The following TGM6 variants were observed in gnomAD, a reference collection of about 807,000 sequenced individuals.
TGM6 encodes protein-glutamine gamma-glutamyltransferase 6.
In TGM6, 74 loss-of-function variants were observed where a neutral mutation model predicts 77.5. The ratio of observed to expected loss-of-function variants is 0.96; its 90% confidence interval spans 0.79 to 1.16. TGM6 has a LOEUF of 1.16. Ranked by LOEUF, TGM6 falls within the 50% of genes most tolerant of loss-of-function variation. The pLI is 0.00. For synonymous variants in TGM6, 383 were observed against 378.9 expected, an observed-to-expected ratio of 1.01 and a Z score of -0.12; for missense variants, 968 against 940.2, an observed-to-expected ratio of 1.03 and a Z score of -0.39.
intron 9 of TGM6, among the ~76,000 whole-genome samples, chr20:2,406,590 C>T (rs1356890638): frequency 1.3e-5 from 2 of 151,540 alleles, no homozygotes; most frequent in Non-Finnish European, 2.9e-5. Context: ...AATCCCAGCA[C>T]TCTGGGAGGC....
intron 10 of TGM6, among the ~76,000 whole-genome samples, chr20:2,421,262 G>A (rs560895814): frequency 1.3e-5 from 2 of 152,376 alleles, no homozygotes; most frequent in East Asian, 1.9e-4. Context: ...TGGGATTACA[G>A]GCATGAGCCG....
intron 10 of TGM6, among the ~76,000 whole-genome samples, chr20:2,426,339 T>C (rs1337023455): frequency 6.6e-6 from 1 of 152,204 alleles, no homozygotes; most frequent in Admixed American, 6.5e-5. Context: ...TTGACTTCTG[T>C]ATATTAGTAA....
At chr20:2,416,335 G>C (rs903969781) in intron 9 of TGM6, among the ~76,000 whole-genome samples, 1 of 152,184 alleles carries the variant, frequency 6.6e-6, no homozygotes, top group African/African-American at 2.4e-5. Flanking sequence ...ATTGAACTAA[G>C]AGTCCAAAAA....
At chr20:2,398,419 C>T (rs1345503699) in intron 5 of TGM6, among the ~76,000 whole-genome samples, 1 of 152,076 alleles carries the variant, frequency 6.6e-6, no homozygotes, top group East Asian at 1.9e-4. Context: ...TCCAGGATGG[C>T]TTCCCCACCC....
At chr20:2,430,845 G>A in intron 11 of TGM6, 49 bp from the exon 12 acceptor site, 1 of 1,614,020 alleles carries the variant, frequency 6.2e-7, no homozygotes, top group Non-Finnish European at 8.5e-7. Flanking sequence ...TCGGTTTCCT[G>A]GAGGGAGGAG....
rs1241402629 is a variant in TGM6, at chr20:2,399,460, G to A, written c.673-101G>A. On this transcript the variant is annotated intron_variant, in intron 5 of 12. Transcript: ENST00000202625. ...ACAGTTAAAAAGCAAGAGTGACCCC[G>A]ATGGACCTGGTGGTCCAAAGTTGGA... 3.2e-5 allele frequency: 49 copies of A among 1,523,190 alleles called. No individual in the cohort carries two copies. The East Asian group carries it at 7.6e-4, about 24-fold the overall frequency. 94.4% of individuals were successfully genotyped at this position (1,523,190 alleles called of 1,614,324 possible).
chr20:2,396,483 C>T (rs770515278), intron 3 of TGM6, 23 bp from the exon 4 acceptor site: 32 of 1,610,290 alleles, frequency 2.0e-5, no homozygotes, highest in Admixed American at 5.0e-5. Context: ...CAGTCCACAC[C>T]GGGCCTGATG....
chr20:2,400,691 G>A (rs36006705), intron 7 of TGM6, among the ~76,000 whole-genome samples: 1 of 142,720 alleles, frequency 7.0e-6, no homozygotes, highest in African/African-American at 2.6e-5. Flanking sequence ...TGCCTTGAAC[G>A]CCCGGTTCTA....
At chr20:2,428,941 A>G (rs761363173) in intron 10 of TGM6, among the ~76,000 whole-genome samples, 2 of 150,908 alleles carry the variant, frequency 1.3e-5, no homozygotes, top group Admixed American at 6.6e-5. Context: ...CTCCTGCCTC[A>G]GCCTCCCAAG....
At chr20:2,394,280 T>G (rs1482298472) in intron 1 of TGM6, among the ~76,000 whole-genome samples, 172 bp from the exon 2 acceptor site, 1 of 151,876 alleles carries the variant, frequency 6.6e-6, no homozygotes, top group South Asian at 2.1e-4. Flanking sequence ...GGTGATAGAG[T>G]GAGACCCTGT....
chr20:2,406,712 G>A (rs2084753450), intron 9 of TGM6, among the ~76,000 whole-genome samples: 1 of 151,354 alleles, frequency 6.6e-6, no homozygotes, highest in Non-Finnish European at 1.5e-5. Flanking sequence ...GCCCATGCCT[G>A]TAATCCCAGC....
chr20:2,415,374 A>T (rs2122403956), intron 9 of TGM6, among the ~76,000 whole-genome samples: 1 of 152,292 alleles, frequency 6.6e-6, no homozygotes, highest in African/African-American at 2.4e-5. Context: ...CTTTGGAATC[A>T]TCAGAGTGGA....
intron 10 of TGM6, among the ~76,000 whole-genome samples, chr20:2,419,253 C>T (rs578063103): frequency 6.6e-6 from 1 of 152,248 alleles, no homozygotes; most frequent in East Asian, 1.9e-4. Context: ...TCCTTTGCCT[C>T]TCTCTCCTTT....
intron 9 of TGM6, among the ~76,000 whole-genome samples, chr20:2,404,127 T>G (rs1190985802): frequency 1.3e-5 from 2 of 152,228 alleles, no homozygotes; most frequent in Non-Finnish European, 2.9e-5. Context: ...CATACAATAA[T>G]CACTACTAGT....
intron 1 of TGM6, among the ~76,000 whole-genome samples, chr20:2,381,571 G>C (rs1262819376): frequency 3.3e-5 from 5 of 152,174 alleles, no homozygotes; most frequent in Non-Finnish European, 7.3e-5. Context: ...GTGAGACCAC[G>C]TGTGCTGTTC....
intron 5 of TGM6, 118 bp from the exon 6 acceptor site, chr20:2,399,443 A>T (rs1325076258): frequency 9.9e-6 from 14 of 1,421,140 alleles, no homozygotes; most frequent in Non-Finnish European, 1.3e-5. Flanking sequence ...AGACAGTTAA[A>T]AAGCAAGAGT....
At chr20:2,403,363 C>T in intron 7 of TGM6, 34 bp from the exon 8 acceptor site, 1 of 1,612,568 alleles carries the variant, frequency 6.2e-7, no homozygotes, top group Non-Finnish European at 8.5e-7. Flanking sequence ...TGCCCTCACT[C>T]TAGGCAGCTT....
chr20:2,403,718 G>A lies in TGM6; in HGVS notation c.1231G>A (p.Glu411Lys), dbSNP rs546728628. 8.7e-6 allele frequency: 14 copies of A among 1,614,232 alleles called. No individual in the cohort carries two copies. The South Asian group carries it at 1.3e-4, about 15-fold the overall frequency. The change falls in exon 9 of 13, where the codon GAG becomes AAG. Residue 411 changes from glutamate to lysine, a missense_variant. By Grantham distance (56) the Glu-to-Lys change is moderately conservative. Coordinates refer to ENST00000202625, the MANE Select transcript of TGM6 (RefSeq NM_198994.3). Reference sequence around the variant, plus strand: ...GCTGTGGCACGAGGATGAGAGCCGGGAGCGTGTATACTCAAACACGAAGAA... The same window carrying A: ...GCTGTGGCACGAGGATGAGAGCCGGAAGCGTGTATACTCAAACACGAAGAA... ...TWLWHEDESR[E>K]RVYSNTKKIG...
chr20:2,383,805 A>G (rs1224297078), intron 1 of TGM6, among the ~76,000 whole-genome samples: 1 of 152,062 alleles, frequency 6.6e-6, no homozygotes, highest in Non-Finnish European at 1.5e-5. Flanking sequence ...AGGAGTGATG[A>G]TGTAAAAATC....
Sources: gnomAD v4.1 joint callset for allele counts (sites outside exome capture counted in the v4.1 genomes callset) on GRCh38, gnomAD v4.1.1 for gene constraint, MANE v1.5 for transcripts, NCBI Gene and HGNC (gene_info 2026-07-23, HGNC 2026-07-21) for gene names.